The following MAP3K15 variants were observed in gnomAD, a reference collection of about 807,000 sequenced individuals.
MAP3K15 encodes the protein mitogen-activated protein kinase kinase kinase 15.
MAP3K15 carries 124 observed loss-of-function variants against 99.5 expected under a neutral mutation model. That is an observed-to-expected ratio of 1.25 (90% CI 1.08 to 1.45). The LOEUF (loss-of-function observed/expected upper bound fraction) is 1.45, where lower values mean the gene tolerates loss of function less well. Ranked by LOEUF, MAP3K15 falls within the 40% of genes most tolerant of loss-of-function variation. The probability of loss-of-function intolerance (pLI) is 0.00; values close to 1 mark genes in which losing one functional copy is unlikely to be tolerated. For synonymous variants in MAP3K15, 494 were observed against 439.6 expected, an observed-to-expected ratio of 1.12 and a Z score of -1.55; for missense variants, 1,242 against 1,079.7, an observed-to-expected ratio of 1.15 and a Z score of -2.11.
Position 19,395,456 on chromosome X carries a change from G to C in MAP3K15, c.2067-248C>G, listed in dbSNP as rs746768703. Among the ~76,000 whole-genome samples the C allele has an allele frequency of 3.6e-5, 4 of 112,194 alleles. No homozygotes were observed. The South Asian group carries it at 1.1e-3, about 31-fold the overall frequency. On this transcript the variant is annotated intron_variant, in intron 15 of 28. Coordinates refer to ENST00000338883, the MANE Select transcript of MAP3K15 (RefSeq NM_001001671.4). ...CACTTAGTGGAGTAGCTGGTGTGTG[G>C]TGAGTATTCAATGAATGACTGCTAT...
At chrX:19,413,907 G>A (rs188817829) in intron 10 of MAP3K15, among the ~76,000 whole-genome samples, 9 of 108,748 alleles carry the variant, frequency 8.3e-5, no homozygotes, top group Non-Finnish European at 1.1e-4. Flanking sequence ...GAGAGAAGGA[G>A]GAGGGCACTT....
rs1172240861 is a variant in MAP3K15 at position 19,373,644 on chromosome X, G to A, written c.2825C>T (p.Ala942Val). The A allele has an allele frequency of 2.5e-6, 3 of 1,201,079 alleles. No homozygotes were observed. The Admixed American group carries it at 6.7e-5, about 27-fold the overall frequency. ...AGAGCCGTGCTCGCTGCTGCTGGTG[G>A]CCATGGGCTCTCCCTGTGTGGGCAG... ...LALPTQGEPMATSSSEHGSVS... is the reference protein window; with the variant it reads ...LALPTQGEPMVTSSSEHGSVS... Residue 942 changes from alanine (A) to valine (V), a missense_variant, in exon 21 of 29, where the codon GCC becomes GTC. Coordinates refer to ENST00000338883, the MANE Select transcript of MAP3K15 (RefSeq NM_001001671.4).
chrX:19,415,525 G>A (rs746593519), intron 9 of MAP3K15, among the ~76,000 whole-genome samples: 45 of 111,824 alleles, frequency 4.0e-4, no homozygotes, highest in Non-Finnish European at 6.6e-4. Context: ...CCTAAAATGT[G>A]GAGATTGGAA....
In MAP3K15 at chrX:19,381,614, G is replaced by T. The variant is rs1269138518; in HGVS notation, c.2432-1337C>A. Among the ~76,000 whole-genome samples the T allele has an allele frequency of 2.7e-5, 3 of 112,127 alleles. No individual in the cohort carries two copies. The Admixed American group carries it at 2.8e-4, about 11-fold the overall frequency. ...GGGAACAAGCGATGTCTGACACGGG[G>T]CAGGGTGTGGGAATAGTTAAGGAGG... On this transcript the variant is annotated intron_variant, in intron 18 of 28. Coordinates refer to ENST00000338883, the MANE Select transcript of MAP3K15 (RefSeq NM_001001671.4).
At chrX:19,385,295 G>C (rs903667185) in intron 18 of MAP3K15, among the ~76,000 whole-genome samples, 13 of 111,344 alleles carry the variant, frequency 1.2e-4, no homozygotes, top group African/African-American at 4.3e-4. Context: ...GGGGGCTTCA[G>C]TTTTTCATTA....
chrX:19,441,791 T>A (rs974594306), intron 6 of MAP3K15, among the ~76,000 whole-genome samples: 13 of 111,627 alleles, frequency 1.2e-4, no homozygotes, highest in African/African-American at 4.2e-4. Flanking sequence ...GAGAATTACA[T>A]CTCAGCAAAG....
intron 5 of MAP3K15, among the ~76,000 whole-genome samples, chrX:19,459,729 A>T (rs1448209932): frequency 8.9e-6 from 1 of 112,221 alleles, no homozygotes; most frequent in Non-Finnish European, 1.9e-5. Context: ...GCATGCCTGT[A>T]ATCACAGCTA....
chrX:19,455,513 A>ATT lies in MAP3K15; in HGVS notation c.995+1398_995+1399dup, dbSNP rs755405077. ...AAGCACAAGCCATCATGCCTGGCTA[A>ATT]TTTTTTTTTTTTTTTTTTTTTTTTT... On this transcript the variant is annotated intron_variant, in intron 6 of 28. Coordinates refer to ENST00000338883, the MANE Select transcript of MAP3K15 (RefSeq NM_001001671.4). 1.4e-3 allele frequency among the ~76,000 whole-genome samples: 92 copies of ATT among 65,713 alleles called. 3 individuals carry two copies. Among genetic ancestry groups the ATT allele is most frequent in the African/African-American group, 3.8e-3 (39 of 10,338 alleles). The allele number at this position is 65,713 out of a possible 115,157, so 57.1% of individuals were successfully genotyped here.
At chrX:19,463,462 G>A (rs748783260) in intron 4 of MAP3K15, among the ~76,000 whole-genome samples, 1 of 111,939 alleles carries the variant, frequency 8.9e-6, no homozygotes, top group East Asian at 2.8e-4. Context: ...TTCTCCTTGT[G>A]ACACAACTTA....
At chrX:19,447,870 C>A in intron 6 of MAP3K15, among the ~76,000 whole-genome samples, 1 of 59,413 alleles carries the variant, frequency 1.7e-5, no homozygotes, top group East Asian at 5.0e-4. Flanking sequence ...GGCGACAGAG[C>A]GAGACTCCGT....
intron 14 of MAP3K15, among the ~76,000 whole-genome samples, chrX:19,399,933 T>C (rs1272846471): frequency 4.2e-4 from 46 of 110,770 alleles, no homozygotes; most frequent in Non-Finnish European, 7.5e-5. Context: ...CTAAGAATTC[T>C]AGTAGTTAAC....
chrX:19,480,090 C>T (rs6633270), intron 3 of MAP3K15, among the ~76,000 whole-genome samples: 11,761 of 111,428 alleles, frequency 0.11, 1,306 homozygotes, highest in African/African-American at 0.34. Context: ...AGTGAAAGAC[C>T]TGTACATGGA....
Position 19,456,951 on chromosome X carries a change from C to G in MAP3K15, c.957G>C (p.Gln319His). 1 of 1,198,686 alleles carries G rather than the reference C, an allele frequency of 8.3e-7. No homozygotes were observed. Among genetic ancestry groups the G allele is most frequent in the Non-Finnish European group, 1.1e-6 (1 of 893,923 alleles). The change falls in exon 6 of 29, where the codon CAG (glutamine) becomes CAC (histidine). Residue 319 changes from glutamine (Q) to histidine (H), a missense_variant. Physicochemically the swap from Gln to His is conservative, Grantham distance 24. Coordinates refer to ENST00000338883, the MANE Select transcript of MAP3K15 (RefSeq NM_001001671.4). ...EMLPTCDLADQHNIKFHYAFA... is the reference protein window; with the variant it reads ...EMLPTCDLADHHNIKFHYAFA... ...ACGCATAGTGGAATTTAATGTTATG[C>G]TGATCGGCCAAATCACACGTAGGCA...
chrX:19,417,091 A>G (rs1410271596), intron 9 of MAP3K15, among the ~76,000 whole-genome samples: 2 of 111,570 alleles, frequency 1.8e-5, no homozygotes, highest in Non-Finnish European at 3.8e-5. Flanking sequence ...AATACGAACA[A>G]CTCCAGTCGA....
rs369320172 is a variant in MAP3K15 at position 19,417,792 on chromosome X, C to G, written c.1440-2535G>C. ...AGTAGCCTAACTGGGAGGCACCCCC[C>G]AGTAGGGGCAGACTGACACCTCACA... On this transcript the variant is annotated intron_variant, in intron 9 of 28. Coordinates refer to ENST00000338883, the MANE Select transcript of MAP3K15 (RefSeq NM_001001671.4). 3.9e-3 allele frequency among the ~76,000 whole-genome samples: 437 copies of G among 112,145 alleles called. 2 individuals carry two copies. Among genetic ancestry groups the G allele is most frequent in the African/African-American group, 0.014 (418 of 30,916 alleles).
intron 3 of MAP3K15, among the ~76,000 whole-genome samples, chrX:19,477,093 T>C (rs1298041342): frequency 8.9e-6 from 1 of 112,172 alleles, no homozygotes; most frequent in Non-Finnish European, 1.9e-5. Context: ...GCAAATTCTA[T>C]GGTCTGTGAA....
At chrX:19,481,190 T>C (rs1364462706) in intron 3 of MAP3K15, among the ~76,000 whole-genome samples, 1 of 105,928 alleles carries the variant, frequency 9.4e-6, no homozygotes, top group African/African-American at 3.5e-5. Context: ...CAATGGAGTA[T>C]AATTGAGAGT....
chrX:19,442,952 G>A (rs774458933), intron 6 of MAP3K15, among the ~76,000 whole-genome samples: 208 of 98,512 alleles, frequency 2.1e-3, no homozygotes, highest in African/African-American at 7.2e-3. Context: ...TCAAACTCCT[G>A]ACCTCAAGTG....
chrX:19,395,156 G>C lies in MAP3K15; in HGVS notation c.2119C>G (p.Arg707Gly). Residue 707 changes from arginine to glycine, a missense_variant, in exon 16 of 29, where the codon CGC (arginine) becomes GGC (glycine). Coordinates refer to ENST00000338883, the MANE Select transcript of MAP3K15 (RefSeq NM_001001671.4). ...GAGCCCAGGTACTGAACGATATTGC[G>C]GTGCTTAAGGTACTTGTGCAGGGCT... Reference protein sequence around the residue: ...EIALHKYLKHRNIVQYLGSVS... With the variant: ...EIALHKYLKHGNIVQYLGSVS... The C allele has an allele frequency of 2.5e-6, 3 of 1,208,103 alleles. No individual in the cohort carries two copies. The highest frequency in any genetic ancestry group is 3.5e-5 in the South Asian group (2 of 56,870).
Sources: gnomAD v4.1 joint callset for allele counts (sites outside exome capture counted in the v4.1 genomes callset) on GRCh38, gnomAD v4.1.1 for gene constraint, MANE v1.5 for transcripts, NCBI Gene and HGNC (gene_info 2026-07-23, HGNC 2026-07-21) for gene names.